Variants in ERBB4 observed in about 807,000 individuals in gnomAD.
The protein encoded by ERBB4 is receptor tyrosine-protein kinase erbB-4.
In ERBB4, 42 loss-of-function variants were observed where a neutral mutation model predicts 158.0. The ratio of observed to expected loss-of-function variants is 0.27; its 90% CI spans 0.21 to 0.34. The LOEUF (loss-of-function observed/expected upper bound fraction) is 0.34, where lower values mean the gene tolerates loss of function less well. ERBB4 is among the 10% of genes least tolerant of loss of function. The probability of loss-of-function intolerance (pLI) is 1.00; values close to 1 mark genes in which losing one functional copy is unlikely to be tolerated. For missense variants in ERBB4, 1,333 were observed against 1,624.1 expected, an observed-to-expected ratio of 0.82 and a Z score of 3.08; for synonymous variants, 583 against 558.7, an observed-to-expected ratio of 1.04 and a Z score of -0.61.
chr2:211,443,009 C>T (rs1264312893), intron 20 of ERBB4, among the ~76,000 whole-genome samples: 2 of 152,066 alleles, frequency 1.3e-5, no homozygotes, highest in Non-Finnish European at 2.9e-5. Context: ...AATTTCATCA[C>T]GTTTTGGGAC....
At chr2:211,650,050 T>C (rs1259685386) in intron 16 of ERBB4, among the ~76,000 whole-genome samples, 1 of 151,714 alleles carries the variant, frequency 6.6e-6, no homozygotes, top group Admixed American at 6.6e-5. Flanking sequence ...TTTGAATTAA[T>C]ATCTACACAT....
chr2:212,206,510 G>C (rs768518113), intron 1 of ERBB4, among the ~76,000 whole-genome samples: 17 of 150,872 alleles, frequency 1.1e-4, no homozygotes, highest in Admixed American at 8.6e-4. Flanking sequence ...ATTTTTTAAA[G>C]ATAAAAAACT....
At chr2:212,526,607 ACTGTGACTTG>A (rs1692460110) in intron 1 of ERBB4, among the ~76,000 whole-genome samples, 1 of 151,924 alleles carries the variant, frequency 6.6e-6, no homozygotes, top group Non-Finnish European at 1.5e-5. Flanking sequence ...TTTTTTTAAA[ACTGTGACTTG>A]AAATACTAAT....
chr2:211,430,743 GTA>G lies in ERBB4; in HGVS notation c.2643+200_2643+201del, dbSNP rs67144440. On this transcript the variant is annotated intron_variant, in intron 21 of 27. Transcript: ENST00000342788. ...GAGAAACGGAAGCTGGTAATATATG[GTA>G]TATATATATGTGTGTGTATATGATA... 0.24 allele frequency among the ~76,000 whole-genome samples: 36,646 copies of G among 150,896 alleles called. 5,078 individuals carry two copies. The highest frequency in any genetic ancestry group is 0.51 in the South Asian group (2,452 of 4,764).
intron 1 of ERBB4, among the ~76,000 whole-genome samples, chr2:212,368,883 T>A (rs1452004981): frequency 6.6e-6 from 1 of 152,034 alleles, no homozygotes; most frequent in African/African-American, 2.4e-5. Context: ...GCACCGTAGG[T>A]CCCTACTACT....
chr2:211,717,263 G>A (rs72946560), intron 7 of ERBB4, among the ~76,000 whole-genome samples: 9,190 of 152,236 alleles, frequency 0.06, 415 homozygotes, highest in Non-Finnish European at 0.091. Context: ...CAAGCCCTCA[G>A]TTTTGTAAGG....
intron 3 of ERBB4, among the ~76,000 whole-genome samples, chr2:211,825,493 C>T (rs1310163873): frequency 2.6e-5 from 4 of 151,688 alleles, no homozygotes; most frequent in Non-Finnish European, 5.9e-5. Context: ...TTCAATGTAA[C>T]ACTATCATGA....
intron 1 of ERBB4, among the ~76,000 whole-genome samples, chr2:212,322,471 T>G (rs1422098116): frequency 6.6e-6 from 1 of 150,642 alleles, no homozygotes; most frequent in African/African-American, 2.4e-5. Context: ...TTTATGTGAT[T>G]ACTAAATGTC....
At chr2:211,743,555 T>A (rs1394117719) in intron 5 of ERBB4, among the ~76,000 whole-genome samples, 1 of 152,202 alleles carries the variant, frequency 6.6e-6, no homozygotes, top group Non-Finnish European at 1.5e-5. Flanking sequence ...GTTTCTTTAA[T>A]CATTATTATT....
At chr2:212,373,070 A>T (rs1363452523) in intron 1 of ERBB4, among the ~76,000 whole-genome samples, 1 of 152,246 alleles carries the variant, frequency 6.6e-6, no homozygotes, top group Non-Finnish European at 1.5e-5. Context: ...AATAATAGAA[A>T]TGATAATGAT....
intron 3 of ERBB4, among the ~76,000 whole-genome samples, chr2:211,855,705 T>C (rs1165572333): frequency 3.9e-5 from 6 of 152,198 alleles, no homozygotes; most frequent in African/African-American, 9.6e-5. Flanking sequence ...TGTAGCTTTA[T>C]GATGAGTCTT....
chr2:212,331,896 A>C (rs2088194669), intron 1 of ERBB4, among the ~76,000 whole-genome samples: 2 of 152,112 alleles, frequency 1.3e-5, no homozygotes, highest in African/African-American at 2.4e-5. Flanking sequence ...TTCAATATTT[A>C]AGCAGAATTA....
chr2:212,108,474 A>G (rs2079297459), intron 2 of ERBB4, among the ~76,000 whole-genome samples: 2 of 151,668 alleles, frequency 1.3e-5, no homozygotes, highest in Admixed American at 6.6e-5. Context: ...GCAGTTTTAA[A>G]GAAAGAAAGA....
intron 3 of ERBB4, among the ~76,000 whole-genome samples, chr2:211,836,896 C>A (rs1304315844): frequency 6.6e-6 from 1 of 151,810 alleles, no homozygotes; most frequent in East Asian, 1.9e-4. Context: ...GTGTAACATA[C>A]AAAGGCACAA....
intron 1 of ERBB4, among the ~76,000 whole-genome samples, chr2:212,199,145 A>G (rs1430717921): frequency 6.6e-6 from 1 of 152,098 alleles, no homozygotes; most frequent in Non-Finnish European, 1.5e-5. Context: ...ATTTTTCCAC[A>G]TTCTCATCAA....
chr2:212,509,481 A>G (rs1159188383), intron 1 of ERBB4, among the ~76,000 whole-genome samples: 1 of 152,054 alleles, frequency 6.6e-6, no homozygotes. Context: ...CAATCTTAAC[A>G]TATTTATTTA....
chr2:211,624,434 C>T (rs2069758267), intron 17 of ERBB4, among the ~76,000 whole-genome samples: 1 of 152,050 alleles, frequency 6.6e-6, no homozygotes. Context: ...ATGCCAAAAC[C>T]CTAGGACAGG....
intron 6 of ERBB4, among the ~76,000 whole-genome samples, chr2:211,722,942 T>A (rs1271098273): frequency 6.6e-6 from 1 of 152,184 alleles, no homozygotes. Context: ...ATATCCCAAA[T>A]GACATGTAAA....
intron 20 of ERBB4, among the ~76,000 whole-genome samples, chr2:211,470,895 C>T (rs78111822): frequency 2.0e-3 from 311 of 152,332 alleles, no homozygotes; most frequent in Admixed American, 4.3e-3. Flanking sequence ...CTGCTGCATC[C>T]GGAGGTAGAG....
Sources: allele counts gnomAD v4.1 joint callset (sites outside exome capture counted in the v4.1 genomes callset), GRCh38; gene constraint gnomAD v4.1.1; transcripts MANE v1.5; gene names NCBI Gene and HGNC (gene_info 2026-07-23, HGNC 2026-07-21).